SPAG16: variants seen among roughly 807,000 people sequenced by gnomAD.
SPAG16 encodes sperm-associated antigen 16 protein.
In SPAG16, 86 loss-of-function variants were observed where a neutral mutation model predicts 80.4. That is an observed-to-expected ratio of 1.07 (90% CI 0.90 to 1.28). The LOEUF (loss-of-function observed/expected upper bound fraction) is 1.28, where lower values mean the gene tolerates loss of function less well. Ranked by LOEUF, SPAG16 falls within the 50% of genes most tolerant of loss-of-function variation. The probability of loss-of-function intolerance (pLI) is 0.00; values close to 1 mark genes in which losing one functional copy is unlikely to be tolerated. For missense variants in SPAG16, 870 were observed against 765.3 expected (o/e 1.14, Z -1.61); for synonymous variants, 294 against 265.9 (o/e 1.11, Z -1.03).
chr2:213,859,908 C>T (rs1277237270), intron 10 of SPAG16, among the ~76,000 whole-genome samples: 2 of 152,152 alleles, frequency 1.3e-5, no homozygotes, highest in African/African-American at 4.8e-5. Flanking sequence ...TTTGAGCTTT[C>T]ATTTCACTTG....
chr2:213,474,032 T>C (rs1357942044), intron 9 of SPAG16, among the ~76,000 whole-genome samples: 3 of 152,088 alleles, frequency 2.0e-5, no homozygotes, highest in East Asian at 3.9e-4. Flanking sequence ...CAGACAAAGG[T>C]GGAAAGGCTG....
At chr2:214,327,699 T>A (rs910711565) in intron 15 of SPAG16, among the ~76,000 whole-genome samples, 3 of 149,810 alleles carry the variant, frequency 2.0e-5, no homozygotes, top group Admixed American at 6.6e-5. Flanking sequence ...TATCAAATTT[T>A]TTTTTTTTTT....
At chr2:213,673,210 C>A (rs1279027217) in intron 10 of SPAG16, among the ~76,000 whole-genome samples, 1 of 151,950 alleles carries the variant, frequency 6.6e-6, no homozygotes, top group Non-Finnish European at 1.5e-5. Context: ...TTTCTGACAC[C>A]ACATGAATTA....
chr2:213,524,953 G>A (rs1234563805), intron 10 of SPAG16, among the ~76,000 whole-genome samples: 1 of 152,054 alleles, frequency 6.6e-6, no homozygotes, highest in East Asian at 1.9e-4. Context: ...AAGGGTCAGG[G>A]GCAGAATGAT....
At chr2:214,077,420 C>G (rs1165033717) in intron 13 of SPAG16, among the ~76,000 whole-genome samples, 1 of 152,172 alleles carries the variant, frequency 6.6e-6, no homozygotes, top group Admixed American at 6.5e-5. Context: ...ATGCAAGAGG[C>G]CAACTCAAAA....
intron 11 of SPAG16, among the ~76,000 whole-genome samples, chr2:213,911,844 A>G (rs1290747867): frequency 6.6e-6 from 1 of 151,716 alleles, no homozygotes; most frequent in African/African-American, 2.4e-5. Flanking sequence ...GCAAAAAAAA[A>G]AAAAAAAATA....
At chr2:214,383,188 A>G (rs1309548731) in intron 15 of SPAG16, among the ~76,000 whole-genome samples, 3 of 152,218 alleles carry the variant, frequency 2.0e-5, no homozygotes, top group Non-Finnish European at 4.4e-5. Flanking sequence ...TACATATTGC[A>G]TGGCACTGGA....
At chr2:213,327,191 C>G (rs554665928) in intron 5 of SPAG16, among the ~76,000 whole-genome samples, 1 of 150,462 alleles carries the variant, frequency 6.6e-6, no homozygotes, top group African/African-American at 2.4e-5. Flanking sequence ...CAAAGATGCT[C>G]TACTAATGTG....
intron 15 of SPAG16, among the ~76,000 whole-genome samples, chr2:214,374,852 G>A (rs1315622306): frequency 2.0e-5 from 3 of 152,158 alleles, no homozygotes; most frequent in Non-Finnish European, 4.4e-5. Flanking sequence ...CTCCTTCCTG[G>A]GAGAGGGCAC....
rs190794293 is a variant in SPAG16, at chr2:213,409,260, C to T, written c.942+34141C>T. Among the ~76,000 whole-genome samples the T allele has an allele frequency of 4.3e-4, 66 of 151,736 alleles. 1 individual carries two copies. Among genetic ancestry groups the T allele is most frequent in the African/African-American group, 1.5e-3 (64 of 41,382 alleles). On this transcript the variant is annotated intron_variant, in intron 9 of 15. Coordinates refer to ENST00000331683, the MANE Select transcript of SPAG16 (RefSeq NM_024532.5). Reference sequence around the variant, plus strand: ...GTATAATTTAAAAGTAACTAGGCCTCCTGAATGTAAAACTATTTATTCTAT... The same window carrying T: ...GTATAATTTAAAAGTAACTAGGCCTTCTGAATGTAAAACTATTTATTCTAT...
intron 9 of SPAG16, among the ~76,000 whole-genome samples, chr2:213,418,412 A>C (rs902873918): frequency 6.6e-6 from 1 of 152,144 alleles, no homozygotes; most frequent in East Asian, 1.9e-4. Context: ...CATGGTCTGG[A>C]GGATTTCCAG....
intron 14 of SPAG16, among the ~76,000 whole-genome samples, chr2:214,111,937 G>A (rs975383806): frequency 6.6e-6 from 1 of 152,078 alleles, no homozygotes; most frequent in African/African-American, 2.4e-5. Flanking sequence ...TCTGTTATTG[G>A]TGTATAGGAA....
chr2:214,273,970 G>T (rs1035632849), intron 15 of SPAG16, among the ~76,000 whole-genome samples: 1 of 151,916 alleles, frequency 6.6e-6, no homozygotes, highest in African/African-American at 2.4e-5. Flanking sequence ...CCTTTATTTC[G>T]TTGAGCAGTA....
intron 10 of SPAG16, among the ~76,000 whole-genome samples, chr2:213,685,109 C>T (rs151261798): frequency 0.012 from 1,773 of 152,216 alleles, 12 homozygotes; most frequent in South Asian, 0.02. Flanking sequence ...AATAAAAGAC[C>T]CTTTGGCAAG....
Position 213,924,336 on chromosome 2 carries a change from C to T in SPAG16, c.1215-5624C>T, listed in dbSNP as rs140278946. Among the ~76,000 whole-genome samples the T allele has an allele frequency of 3.9e-5, 6 of 152,316 alleles. No homozygotes were observed. In the East Asian group the frequency reaches 1.2e-3, roughly 29 times the overall value. ...ACTCCCAGTCTTGTACAGGTCTCTG[C>T]AGAGAGCATGAATCTCCTGGGGAGC... On this transcript the variant is annotated intron_variant, in intron 11 of 15. Transcript: ENST00000331683.
intron 10 of SPAG16, among the ~76,000 whole-genome samples, chr2:213,607,850 G>A (rs1229148328): frequency 6.6e-6 from 1 of 152,184 alleles, no homozygotes; most frequent in African/African-American, 2.4e-5. Flanking sequence ...AGGTGCAACT[G>A]CCTCCGATTT....
chr2:213,347,298 A>G (rs2125018073), intron 6 of SPAG16, among the ~76,000 whole-genome samples: 1 of 152,048 alleles, frequency 6.6e-6, no homozygotes, highest in East Asian at 1.9e-4. Context: ...TAGTCTTGCT[A>G]GTGGTCTCTC....
chr2:214,271,852 C>CCCCA (rs1553541535), intron 15 of SPAG16, among the ~76,000 whole-genome samples: 203 of 140,676 alleles, frequency 1.4e-3, no homozygotes, highest in African/African-American at 5.5e-3. Flanking sequence ...ACCCCCCCCC[C>CCCCA]AAAAAAAAAG....
chr2:214,134,052 A>T (rs1469259053), intron 14 of SPAG16, among the ~76,000 whole-genome samples: 1 of 152,208 alleles, frequency 6.6e-6, no homozygotes, highest in Non-Finnish European at 1.5e-5. Flanking sequence ...AGTCATAAAC[A>T]TCTTAATATT....
Sources: gnomAD v4.1 joint callset for allele counts (sites outside exome capture counted in the v4.1 genomes callset) on GRCh38, gnomAD v4.1.1 for gene constraint, MANE v1.5 for transcripts, NCBI Gene and HGNC (gene_info 2026-07-23, HGNC 2026-07-21) for gene names.